Variants in MAN1A1 observed in about 807,000 individuals in gnomAD.
The protein encoded by MAN1A1 is mannosyl-oligosaccharide 1,2-alpha-mannosidase IA.
A neutral mutation model predicts 70.8 loss-of-function variants in MAN1A1; 29 were observed. That is an observed-to-expected ratio of 0.41 (90% CI 0.31 to 0.56). The LOEUF (loss-of-function observed/expected upper bound fraction) is 0.56, where lower values mean the gene tolerates loss of function less well. Ranked by LOEUF, MAN1A1 falls within the 20% of genes least tolerant of loss-of-function variation. MAN1A1 has a pLI of 0.29. For synonymous variants in MAN1A1, 349 were observed against 330.1 expected, an observed-to-expected ratio of 1.06 and a Z score of -0.62; for missense variants, 747 against 841.3, an observed-to-expected ratio of 0.89 and a Z score of 1.39.
intron 2 of MAN1A1, among the ~76,000 whole-genome samples, chr6:119,347,240 A>G (rs936622963): frequency 7.2e-5 from 11 of 152,334 alleles, no homozygotes; most frequent in Admixed American, 4.6e-4. Context: ...TCCCATGACA[A>G]TCCTGCTGCC....
chr6:119,248,215 G>T, intron 6 of MAN1A1, 45 bp downstream of exon 6: 1 of 1,295,872 alleles, frequency 7.7e-7, no homozygotes, highest in Non-Finnish European at 1.1e-6. Context: ...CAACAATCTG[G>T]AATATTTCAC....
chr6:119,205,990 C>A (rs901474837), intron 6 of MAN1A1, among the ~76,000 whole-genome samples: 4 of 152,194 alleles, frequency 2.6e-5, no homozygotes, highest in African/African-American at 9.7e-5. Flanking sequence ...GTTCTCTGAG[C>A]ATCTAAAGCT....
At chr6:119,324,394 C>T (rs1289537189) in intron 2 of MAN1A1, among the ~76,000 whole-genome samples, 1 of 152,122 alleles carries the variant, frequency 6.6e-6, no homozygotes, top group Non-Finnish European at 1.5e-5. Flanking sequence ...CAGCAGTAGG[C>T]TATTGGTAGT....
chr6:119,260,852 AGACT>A (rs1204661422), intron 5 of MAN1A1, among the ~76,000 whole-genome samples: 2 of 152,176 alleles, frequency 1.3e-5, no homozygotes, highest in Non-Finnish European at 2.9e-5. Flanking sequence ...TGAAAATATC[AGACT>A]GAAATAGTTT....
intron 11 of MAN1A1, among the ~76,000 whole-genome samples, chr6:119,183,345 G>A (rs58455165): frequency 0.061 from 9,328 of 152,054 alleles, 929 homozygotes; most frequent in African/African-American, 0.21. Context: ...CAGACAGTGC[G>A]TCAAATGGAG....
chr6:119,317,225 G>A (rs78141133), intron 2 of MAN1A1, among the ~76,000 whole-genome samples: 1 of 152,014 alleles, frequency 6.6e-6, no homozygotes, highest in East Asian at 1.9e-4. Flanking sequence ...ACAACTGATG[G>A]ACCTACACTG....
intron 2 of MAN1A1, among the ~76,000 whole-genome samples, chr6:119,320,619 A>C (rs573325740): frequency 3.6e-4 from 55 of 151,970 alleles, no homozygotes; most frequent in African/African-American, 1.3e-3. Context: ...GGAAGGCACA[A>C]ACGGTTAAAA....
At chr6:119,273,025 C>G (rs1242130273) in intron 5 of MAN1A1, among the ~76,000 whole-genome samples, 3 of 151,992 alleles carry the variant, frequency 2.0e-5, no homozygotes, top group Non-Finnish European at 4.4e-5. Context: ...CTTTATGAAA[C>G]AGATGTCAGA....
Position 119,180,324 on chromosome 6 carries a change from G to A in MAN1A1, c.1823C>T (p.Ala608Val). ...YDDVQQSFFL[A>V]ETLKYLYLIF... is the part of the protein sequence containing the mutation. ...AATTTTCACCTACTTCAATGTCTCT[G>A]CCAGGAAGAAACTCTGCTGCACATC... The change falls in exon 12 of 13, where the codon GCA (alanine) becomes GTA (valine). Residue 608 changes from alanine (A) to valine (V), a missense_variant. This residue lies in a region of MAN1A1 where 419 missense variants were observed against 548.2 expected (regional missense o/e 0.76). Transcript: ENST00000368468. The A allele has an allele frequency of 6.2e-7, 1 of 1,612,568 alleles. No homozygotes were observed. Among genetic ancestry groups the A allele is most frequent in the Non-Finnish European group, 8.5e-7 (1 of 1,178,904 alleles).
chr6:119,226,777 T>A (rs1774527638), intron 6 of MAN1A1, among the ~76,000 whole-genome samples: 2 of 152,146 alleles, frequency 1.3e-5, no homozygotes, highest in Non-Finnish European at 2.9e-5. Flanking sequence ...TTCAAGCGAT[T>A]CTTGTGCCCC....
At chr6:119,204,676 C>T in intron 7 of MAN1A1, 83 bp downstream of exon 7, 1 of 1,529,692 alleles carries the variant, frequency 6.5e-7, no homozygotes, top group Admixed American at 2.1e-5. Flanking sequence ...ATTTCCACTT[C>T]AAAAATTCCT....
At chr6:119,328,634 CAGGT>C (rs544629907) in intron 2 of MAN1A1, among the ~76,000 whole-genome samples, 1 of 152,110 alleles carries the variant, frequency 6.6e-6, no homozygotes. Context: ...TCTTGATAGA[CAGGT>C]AGGATTTCAA....
At chr6:119,274,888 G>T (rs1776013075) in intron 5 of MAN1A1, among the ~76,000 whole-genome samples, 1 of 152,152 alleles carries the variant, frequency 6.6e-6, no homozygotes. Flanking sequence ...GAAAGAAAAT[G>T]AGAATTTTTT....
rs1554209499 is a variant in MAN1A1 at position 119,260,976 on chromosome 6, G to GCTTTTTTTTTTTTTTTTTTTTTT, written c.898-12623_898-12622insAAAAAAAAAAAAAAAAAAAAAAG. Among the ~76,000 whole-genome samples, 9 of 116,942 alleles carry GCTTTTTTTTTTTTTTTTTTTTTT rather than the reference G, an allele frequency of 7.7e-5. 1 individual carries two copies. The highest frequency in any genetic ancestry group is 2.3e-4 in the African/African-American group (7 of 29,832). The allele number at this position is 116,942 out of a possible 152,430, so 76.7% of individuals were successfully genotyped here. On this transcript the variant is annotated intron_variant, in intron 5 of 12. Coordinates refer to ENST00000368468, the MANE Select transcript of MAN1A1 (RefSeq NM_005907.4). ...TATCTAAATGTCTTGTTTTTTTATT[G>GCTTTTTTTTTTTTTTTTTTTTTT]TTTTTTTTTTTTTTTTTTTTGAGAT...
chr6:119,298,240 A>G (rs972972507), intron 4 of MAN1A1, among the ~76,000 whole-genome samples: 6 of 152,188 alleles, frequency 3.9e-5, no homozygotes, highest in Non-Finnish European at 8.8e-5. Flanking sequence ...CTTGAACTGA[A>G]TACAAGCTCC....
chr6:119,343,690 T>C (rs1357668999), intron 2 of MAN1A1, among the ~76,000 whole-genome samples: 1 of 152,190 alleles, frequency 6.6e-6, no homozygotes, highest in Non-Finnish European at 1.5e-5. Context: ...AGGTATCTTG[T>C]TTATTATTTT....
chr6:119,319,384 A>ATCATCATC lies in MAN1A1; in HGVS notation c.604-12393_604-12392insGATGATGA, dbSNP rs1554215450. ...AAATAATAATAATAATAATAATAAT[A>ATCATCATC]ATAATAATCATCATCATCATCATTC... On this transcript the variant is annotated intron_variant, in intron 2 of 12. Coordinates refer to ENST00000368468, the MANE Select transcript of MAN1A1 (RefSeq NM_005907.4). Among the ~76,000 whole-genome samples the ATCATCATC allele has an allele frequency of 5.2e-3, 751 of 144,252 alleles. 5 individuals are homozygous for ATCATCATC. Among genetic ancestry groups the ATCATCATC allele is most frequent in the African/African-American group, 0.019 (711 of 38,228 alleles). The allele number at this position is 144,252 out of a possible 152,430, so 94.6% of individuals were successfully genotyped here.
Position 119,348,777 on chromosome 6 carries a change from C to G in MAN1A1, c.289G>C (p.Ala97Pro), listed in dbSNP as rs757210547. The change falls in exon 2 of 13, where the codon GCG becomes CCG. Residue 97 changes from alanine (A) to proline (P), a missense_variant. Physicochemically the swap from Ala to Pro is conservative, Grantham distance 27 (BLOSUM62 -1). Transcript: ENST00000368468. ...KPGPGARAED[A>P]AEGRARRREE... ...CGGCGCCGGGCTCGCCCCTCGGCCG[C>G]GTCCTCGGCGCGCGCCCCGGGCCCG... is the stretch of plus-strand genomic sequence containing the variant. 1 of 1,428,782 alleles carries G rather than the reference C, an allele frequency of 7.0e-7. No individual in the cohort carries two copies. The highest frequency in any genetic ancestry group is 3.1e-5 in the Admixed American group (1 of 32,360). 88.5% of individuals were successfully genotyped at this position (1,428,782 alleles called of 1,614,324 possible).
intron 9 of MAN1A1, among the ~76,000 whole-genome samples, chr6:119,190,452 T>C (rs916575604): frequency 1.3e-5 from 2 of 152,198 alleles, no homozygotes; most frequent in African/African-American, 4.8e-5. Context: ...ATTTGCTTAC[T>C]ATATCTCTAA....
Sources: gnomAD v4.1 joint callset for allele counts (sites outside exome capture counted in the v4.1 genomes callset) on GRCh38, gnomAD v4.1.1 for gene constraint, gnomAD v4.1.1 regional missense constraint, MANE v1.5 for transcripts, NCBI Gene and HGNC (gene_info 2026-07-23, HGNC 2026-07-21) for gene names.